The following OTULINL variants were observed in gnomAD, a reference collection of about 807,000 sequenced individuals.
The protein encoded by OTULINL is inactive ubiquitin thioesterase OTULINL.
Under a neutral mutation model 43.9 loss-of-function variants are expected in OTULINL, and 42 were observed. The ratio of observed to expected loss-of-function variants is 0.96; its 90% CI spans 0.75 to 1.24. The LOEUF is 1.24. Ranked by LOEUF, OTULINL falls within the 50% of genes most tolerant of loss-of-function variation. The pLI, the probability that OTULINL is intolerant of heterozygous loss-of-function variation, is 0.00. For synonymous variants in OTULINL, 172 were observed against 153.6 expected (o/e 1.12, Z -0.88); for missense variants, 411 against 426.4 (o/e 0.96, Z 0.32).
intron 1 of OTULINL, among the ~76,000 whole-genome samples, chr5:14,597,138 G>T (rs925207202): frequency 6.6e-6 from 1 of 152,122 alleles, no homozygotes; most frequent in Non-Finnish European, 1.5e-5. Flanking sequence ...CAAAATAAGG[G>T]TTACTAGAGT....
rs746670432 is a variant in OTULINL, at chr5:14,601,294, T to C, written c.256+50T>C. 30 of 1,609,778 alleles carry C rather than the reference T, an allele frequency of 1.9e-5. No individual in the cohort carries two copies. The South Asian group carries it at 3.2e-4, about 17-fold the overall frequency. On this transcript the variant is annotated intron_variant, in intron 3 of 7. Transcript: ENST00000274217. ...CTTTATTTTTAAGGTGCAGAGAGGG[T>C]TCAAGAAGGGAGAAGAAAGGGAGAA...
At chr5:14,609,796 A>G (rs1003526548) in intron 7 of OTULINL, among the ~76,000 whole-genome samples, 1 of 152,014 alleles carries the variant, frequency 6.6e-6, no homozygotes, top group Non-Finnish European at 1.5e-5. Context: ...GCGCCCGGCT[A>G]ATTTTTTGTA....
At chr5:14,590,449 T>G (rs1759180928) in intron 1 of OTULINL, among the ~76,000 whole-genome samples, 1 of 152,226 alleles carries the variant, frequency 6.6e-6, no homozygotes, top group South Asian at 2.1e-4. Context: ...CTGTGGACTT[T>G]GAGTAGCAAT....
chr5:14,591,389 A>G (rs1759199037), intron 1 of OTULINL, among the ~76,000 whole-genome samples: 1 of 152,202 alleles, frequency 6.6e-6, no homozygotes, highest in Admixed American at 6.5e-5. Flanking sequence ...GCTTGCTAGC[A>G]GTGCCCAAGC....
chr5:14,596,717 G>T (rs1274235270), intron 1 of OTULINL, among the ~76,000 whole-genome samples: 3 of 152,142 alleles, frequency 2.0e-5, no homozygotes, highest in Admixed American at 1.3e-4. Context: ...CACAGACTGG[G>T]TGATTTATAA....
Position 14,581,889 on chromosome 5 carries a change from G to C in OTULINL, c.-6G>C, listed in dbSNP as rs780365818. The C allele has an allele frequency of 7.1e-7, 1 of 1,410,626 alleles. No individual in the cohort carries two copies. The highest frequency in any genetic ancestry group is 1.4e-5 in the South Asian group (1 of 69,986). The allele number at this position is 1,410,626 out of a possible 1,614,324, so 87.4% of individuals were successfully genotyped here. The stretch of plus-strand genomic sequence containing the variant: ...AGGCCCAGCGCCCGTCCGCAGCGCG[G>C]CCGGCATGGCGGCGACAAGGAGCCC... On this transcript the variant is annotated 5_prime_UTR_variant, in exon 1 of 8. Transcript: ENST00000274217.
chr5:14,601,397 A>G lies in OTULINL; in HGVS notation c.303A>G (p.Ala101=), dbSNP rs762670474. ...EAEVDLLSYC[A]REWKGETPRN... ...AGGTTGATTTACTCAGTTATTGTGCAAGAGAATGGAAAGGAGAGACACCCC... is the reference window on the plus strand; with the variant it reads ...AGGTTGATTTACTCAGTTATTGTGCGAGAGAATGGAAAGGAGAGACACCCC... Residue 101 remains alanine, a synonymous_variant, in exon 4 of 8, where the codon GCA becomes GCG. Transcript: ENST00000274217. The G allele has an allele frequency of 2.5e-6, 4 of 1,614,066 alleles. No individual in the cohort carries two copies. The East Asian group carries it at 8.9e-5, about 36-fold the overall frequency.
chr5:14,604,376 G>T (rs1759438236), intron 5 of OTULINL, among the ~76,000 whole-genome samples: 2 of 152,070 alleles, frequency 1.3e-5, no homozygotes, highest in South Asian at 4.1e-4. Flanking sequence ...ATATTTGGGT[G>T]GGGACACGGC....
rs913024355 is a variant in OTULINL at position 14,614,863 on chromosome 5, C to T, written c.*4549C>T. ...TTCTGTATGTAATTGACGTATTGGTCCTTATAGTCAGTACCATCAGGTCTT... is the reference window on the plus strand; with the variant it reads ...TTCTGTATGTAATTGACGTATTGGTTCTTATAGTCAGTACCATCAGGTCTT... On this transcript the variant is annotated 3_prime_UTR_variant, in exon 8 of 8. Coordinates refer to ENST00000274217, the MANE Select transcript of OTULINL (RefSeq NM_019018.3). 1 of 397,608 alleles carries T rather than the reference C, an allele frequency of 2.5e-6. No individual in the cohort carries two copies. Among genetic ancestry groups the T allele is most frequent in the Non-Finnish European group, 4.4e-6 (1 of 225,936 alleles). 24.6% of individuals were successfully genotyped at this position (397,608 alleles called of 1,614,324 possible).
intron 6 of OTULINL, 31 bp from the exon 7 acceptor site, chr5:14,608,717 T>C (rs751755840): frequency 1.3e-6 from 2 of 1,556,442 alleles, no homozygotes; most frequent in East Asian, 4.5e-5. Context: ...ACCTTTATCC[T>C]TCTGAATTTC....
In OTULINL at chr5:14,610,445, C is replaced by T. The variant is rs531564134; in HGVS notation, c.*131C>T. The T allele has an allele frequency of 3.4e-6, 3 of 875,616 alleles. No homozygotes were observed. In the South Asian group the frequency reaches 5.1e-5, roughly 15 times the overall value. 54.2% of individuals were successfully genotyped at this position (875,616 alleles called of 1,614,324 possible). A position where few individuals can be genotyped will look rare whatever the true frequency, so the allele number is the denominator to read the frequency against. ...GACCTTTTCTTCAGGATTACAGGTA[C>T]ACTGGATGCAGCCATGCATGGATGG... On this transcript the variant is annotated 3_prime_UTR_variant, in exon 8 of 8. Coordinates refer to ENST00000274217, the MANE Select transcript of OTULINL (RefSeq NM_019018.3).
chr5:14,592,307 A>G lies in OTULINL; in HGVS notation c.65-8658A>G, dbSNP rs1162832585. Among the ~76,000 whole-genome samples, 4 of 152,248 alleles carry G rather than the reference A, an allele frequency of 2.6e-5. No individual in the cohort carries two copies. In the South Asian group the frequency reaches 8.3e-4, roughly 31 times the overall value. ...TGAGAAAACAGGAGCTGTCTAAACTATAAGAGAGAAAGATGCAGAGTGGAA... is the reference window on the plus strand; with the variant it reads ...TGAGAAAACAGGAGCTGTCTAAACTGTAAGAGAGAAAGATGCAGAGTGGAA... On this transcript the variant is annotated intron_variant, in intron 1 of 7. Transcript: ENST00000274217.
chr5:14,590,562 C>G (rs1202134780), intron 1 of OTULINL, among the ~76,000 whole-genome samples: 1 of 152,094 alleles, frequency 6.6e-6, no homozygotes, highest in African/African-American at 2.4e-5. Flanking sequence ...TGATAGGAGA[C>G]AGGGGTTAAA....
intron 1 of OTULINL, among the ~76,000 whole-genome samples, chr5:14,591,673 C>T (rs1179443982): frequency 6.6e-6 from 1 of 152,108 alleles, no homozygotes; most frequent in Non-Finnish European, 1.5e-5. Flanking sequence ...TGGGGAAACA[C>T]ACCCCAGCAC....
At chr5:14,587,076 G>A (rs1454003554) in intron 1 of OTULINL, among the ~76,000 whole-genome samples, 2 of 152,142 alleles carry the variant, frequency 1.3e-5, no homozygotes, top group Non-Finnish European at 2.9e-5. Context: ...TGTCCTCTAA[G>A]CCAGGGCATA....
intron 1 of OTULINL, among the ~76,000 whole-genome samples, chr5:14,600,764 T>C (rs1415632990): frequency 3.3e-5 from 5 of 152,196 alleles, no homozygotes; most frequent in Non-Finnish European, 7.3e-5. Context: ...TGGTGCTGAT[T>C]ATGGGAGAAC....
At chr5:14,598,447 C>A (rs1759330006) in intron 1 of OTULINL, among the ~76,000 whole-genome samples, 1 of 152,196 alleles carries the variant, frequency 6.6e-6, no homozygotes, top group Non-Finnish European at 1.5e-5. Flanking sequence ...TCTGTCAAAA[C>A]TGAAAATGTG....
In OTULINL at chr5:14,581,879, C is replaced by T; in HGVS notation, c.-16C>T. The T allele has an allele frequency of 5.0e-6, 7 of 1,408,506 alleles. No homozygotes were observed. The highest frequency in any genetic ancestry group is 1.4e-5 in the South Asian group (1 of 69,874). 87.3% of individuals were successfully genotyped at this position (1,408,506 alleles called of 1,614,324 possible). A position where few individuals can be genotyped will look rare whatever the true frequency, so the allele number is the denominator to read the frequency against. ...CCACGGGCCGAGGCCCAGCGCCCGT[C>T]CGCAGCGCGGCCGGCATGGCGGCGA... On this transcript the variant is annotated 5_prime_UTR_variant, in exon 1 of 8. Coordinates refer to ENST00000274217, the MANE Select transcript of OTULINL (RefSeq NM_019018.3).
At chr5:14,591,213 G>A (rs757304532) in intron 1 of OTULINL, among the ~76,000 whole-genome samples, 11 of 152,184 alleles carry the variant, frequency 7.2e-5, no homozygotes, top group Non-Finnish European at 1.6e-4. Flanking sequence ...GGTCCTGCCT[G>A]GGTCTAAAGA....
Sources: gnomAD v4.1 joint callset for allele counts (sites outside exome capture counted in the v4.1 genomes callset) on GRCh38, gnomAD v4.1.1 for gene constraint, MANE v1.5 for transcripts, NCBI Gene and HGNC (gene_info 2026-07-23, HGNC 2026-07-21) for gene names.